The following CCDC102B variants were observed in gnomAD, a reference collection of about 807,000 sequenced individuals.
CCDC102B encodes coiled-coil domain-containing protein 102B.
A neutral mutation model predicts 57.4 loss-of-function variants in CCDC102B; 75 were observed. The observed-to-expected ratio is 1.31, with a 90% CI of 1.08 to 1.58. The LOEUF is 1.58. CCDC102B is among the 40% of genes most tolerant of loss of function. CCDC102B has a pLI of 0.00. For synonymous variants in CCDC102B, 206 were observed against 201.9 expected (o/e 1.02, Z -0.17); for missense variants, 636 against 582.6 (o/e 1.09, Z -0.94).
intron 6 of CCDC102B, among the ~76,000 whole-genome samples, chr18:68,968,996 G>GA (rs1181176770): frequency 1.3e-5 from 2 of 152,062 alleles, no homozygotes; most frequent in African/African-American, 4.8e-5. Context: ...ATAAAGCTGG[G>GA]AAAAATAAAT....
At chr18:68,719,105 G>T (rs2032185433) in intron 2 of CCDC102B, among the ~76,000 whole-genome samples, 1 of 151,804 alleles carries the variant, frequency 6.6e-6, no homozygotes, top group Non-Finnish European at 1.5e-5. Context: ...AGCAAAACTT[G>T]TTCAAAAACT....
At chr18:69,048,620 T>A (rs1386082237) in intron 7 of CCDC102B, among the ~76,000 whole-genome samples, 1 of 152,128 alleles carries the variant, frequency 6.6e-6, no homozygotes, top group Non-Finnish European at 1.5e-5. Context: ...ATTTGGGAGT[T>A]CATTATGATA....
intron 2 of CCDC102B, among the ~76,000 whole-genome samples, chr18:68,736,718 T>C (rs1421751197): frequency 6.6e-6 from 1 of 152,082 alleles, no homozygotes; most frequent in Non-Finnish European, 1.5e-5. Flanking sequence ...CCATCAGATC[T>C]CATGAGACTT....
At chr18:68,979,245 G>A (rs1340077587) in intron 6 of CCDC102B, among the ~76,000 whole-genome samples, 1 of 151,994 alleles carries the variant, frequency 6.6e-6, no homozygotes, top group Non-Finnish European at 1.5e-5. Context: ...ATGCTATTCA[G>A]TGGTACTGAA....
chr18:68,833,437 A>C (rs1255540303), intron 1 of CCDC102B, among the ~76,000 whole-genome samples: 1 of 151,694 alleles, frequency 6.6e-6, no homozygotes, highest in East Asian at 1.9e-4. Context: ...CAGAGGGAAA[A>C]ACACACAAAA....
chr18:68,824,333 T>C (rs892600670), intron 1 of CCDC102B, among the ~76,000 whole-genome samples: 1 of 152,258 alleles, frequency 6.6e-6, no homozygotes, highest in Non-Finnish European at 1.5e-5. Context: ...TGCTTGTTTT[T>C]GTTGGCTTTT....
chr18:68,761,598 A>G (rs2034256168), intron 2 of CCDC102B, among the ~76,000 whole-genome samples: 1 of 152,002 alleles, frequency 6.6e-6, no homozygotes, highest in South Asian at 2.1e-4. Context: ...TGAAGATTTT[A>G]TTATTTTGTT....
rs529973967 is a variant in CCDC102B at position 68,908,623 on chromosome 18, T to A, written c.1263+11195T>A. The A allele has an allele frequency of 3.3e-5, 5 of 152,336 alleles. No homozygotes were observed. The East Asian group carries it at 7.7e-4, about 24-fold the overall frequency. 9.4% of individuals were successfully genotyped at this position (152,336 alleles called of 1,614,324 possible). A position where few individuals can be genotyped will look rare whatever the true frequency, so the allele number is the denominator to read the frequency against. On this transcript the variant is annotated intron_variant, in intron 6 of 7. Coordinates refer to ENST00000360242, the MANE Select transcript of CCDC102B (RefSeq NM_024781.3). ...CCAAATGTTAGTTAAATGACATTTT[T>A]AAATACATTTTCCTCTATTGGACTT... is the stretch of plus-strand genomic sequence containing the variant.
At chr18:69,030,669 T>C (rs907199912) in intron 7 of CCDC102B, among the ~76,000 whole-genome samples, 17 of 152,136 alleles carry the variant, frequency 1.1e-4, no homozygotes, top group Non-Finnish European at 2.5e-4. Context: ...TTTGTTTTGG[T>C]TTTTGTTTTT....
At chr18:68,978,430 GA>G (rs2050494483) in intron 6 of CCDC102B, among the ~76,000 whole-genome samples, 3 of 151,938 alleles carry the variant, frequency 2.0e-5, no homozygotes, top group Admixed American at 2.0e-4. Context: ...GTGAAGATCA[GA>G]AATATGGAAA....
intron 4 of CCDC102B, among the ~76,000 whole-genome samples, chr18:68,863,178 T>TA (rs1420846433): frequency 2.0e-5 from 3 of 150,098 alleles, no homozygotes; most frequent in Non-Finnish European, 4.5e-5. Flanking sequence ...TAAGGTGTGT[T>TA]TATATATATA....
intron 1 of CCDC102B, among the ~76,000 whole-genome samples, chr18:68,715,804 C>T (rs888020609): frequency 1.3e-5 from 2 of 152,118 alleles, no homozygotes; most frequent in African/African-American, 2.4e-5. Context: ...AAGACGGTTA[C>T]TGCAGCAATC....
intron 6 of CCDC102B, among the ~76,000 whole-genome samples, chr18:69,010,098 ATTTTTTTTTTTT>A (rs71717825): frequency 1.8e-5 from 1 of 54,948 alleles, no homozygotes; most frequent in African/African-American, 6.5e-5. Context: ...TGCCCGGCTA[ATTTTTTTTTTTT>A]TTTTTTTTTT....
At chr18:68,868,542 CT>C (rs1461930408) in intron 4 of CCDC102B, among the ~76,000 whole-genome samples, 1 of 152,138 alleles carries the variant, frequency 6.6e-6, no homozygotes, top group Non-Finnish European at 1.5e-5. Flanking sequence ...CTTAACCTTG[CT>C]GTCACATATT....
intron 5 of CCDC102B, among the ~76,000 whole-genome samples, chr18:68,885,709 A>C (rs2039859551): frequency 6.6e-6 from 1 of 152,086 alleles, no homozygotes; most frequent in South Asian, 2.1e-4. Flanking sequence ...ATCTCCAAAA[A>C]TTATCAACTT....
intron 6 of CCDC102B, among the ~76,000 whole-genome samples, chr18:68,980,688 G>A (rs979858455): frequency 6.6e-5 from 10 of 151,976 alleles, no homozygotes; most frequent in African/African-American, 2.2e-4. Flanking sequence ...AGATTTATGG[G>A]GTGGAGGGAA....
intron 4 of CCDC102B, among the ~76,000 whole-genome samples, chr18:68,860,418 A>G (rs1450393736): frequency 1.2e-5 from 1 of 84,084 alleles, no homozygotes; most frequent in African/African-American, 3.6e-5. Flanking sequence ...TAACCTGCAC[A>G]ATGTGCACAT....
intron 1 of CCDC102B, among the ~76,000 whole-genome samples, chr18:68,835,125 C>T (rs915997227): frequency 3.9e-5 from 6 of 152,144 alleles, no homozygotes; most frequent in African/African-American, 1.4e-4. Flanking sequence ...TCTCAATATA[C>T]CTAAATTAAA....
At chr18:69,032,943 A>G (rs2052188076) in intron 7 of CCDC102B, among the ~76,000 whole-genome samples, 1 of 152,178 alleles carries the variant, frequency 6.6e-6, no homozygotes, top group Non-Finnish European at 1.5e-5. Context: ...AATGTTTTAT[A>G]TATGCATAAC....
Sources: gnomAD v4.1 joint callset for allele counts (sites outside exome capture counted in the v4.1 genomes callset) on GRCh38, gnomAD v4.1.1 for gene constraint, MANE v1.5 for transcripts, NCBI Gene and HGNC (gene_info 2026-07-23, HGNC 2026-07-21) for gene names.